Variants in TTC39A observed in about 807,000 individuals in gnomAD.
TTC39A encodes the protein tetratricopeptide repeat domain 39A.
Under a neutral mutation model 82.3 loss-of-function variants are expected in TTC39A, and 46 were observed. The observed-to-expected ratio is 0.56, with a 90% CI of 0.44 to 0.71. The LOEUF is 0.71. Ranked by LOEUF, TTC39A falls within the 30% of genes least tolerant of loss-of-function variation. TTC39A has a pLI of 0.00. For missense variants in TTC39A, 543 were observed against 712.9 expected (o/e 0.76, Z 2.71); for synonymous variants, 254 against 275.2 (o/e 0.92, Z 0.76).
At chr1:51,301,037 AGAC>A (rs2148167877) in intron 12 of TTC39A, 1 of 152,692 alleles carries the variant, frequency 6.5e-6, no homozygotes, top group South Asian at 2.1e-4. Flanking sequence ...AGACCAAGCC[AGAC>A]GACATCATTT....
chr1:51,318,188 G>A (rs930231143), intron 2 of TTC39A, among the ~76,000 whole-genome samples: 2 of 152,188 alleles, frequency 1.3e-5, no homozygotes, highest in Non-Finnish European at 2.9e-5. Flanking sequence ...CTTGGGGTGT[G>A]GGACCGGCTG....
intron 8 of TTC39A, among the ~76,000 whole-genome samples, chr1:51,304,197 G>A (rs552682113): frequency 2.3e-4 from 35 of 152,302 alleles, no homozygotes; most frequent in Non-Finnish European, 2.9e-5. Context: ...CTGGGCCCTC[G>A]TGGTATTTAT....
chr1:51,322,670 A>G (rs1027236588), intron 1 of TTC39A, among the ~76,000 whole-genome samples: 1 of 152,198 alleles, frequency 6.6e-6, no homozygotes, highest in African/African-American at 2.4e-5. Flanking sequence ...CAGCTTTCCC[A>G]TATAAAAATG....
Position 51,288,326 on chromosome 1 carries a change from G to A in TTC39A, c.1611-46C>T. On this transcript the variant is annotated intron_variant, in intron 17 of 17. Transcript: ENST00000680483. The surrounding 1 kb of genome is among the most constrained non-coding windows in gnomAD (Gnocchi z 4.8). ...AGACACATGAGGCTGCCTGCTCCCA[G>A]AGATGCTTTTCCTCCTGTTTGAGCT... 6.2e-7 allele frequency: 1 copy of A among 1,612,682 alleles called. No individual in the cohort carries two copies.
intron 8 of TTC39A, among the ~76,000 whole-genome samples, 181 bp from the exon 9 acceptor site, chr1:51,303,373 G>A (rs1644751760): frequency 6.6e-6 from 1 of 152,230 alleles, no homozygotes; most frequent in African/African-American, 2.4e-5. Context: ...ACATTCCTGG[G>A]AGAAGGGGAC....
intron 3 of TTC39A, 133 bp downstream of exon 3, chr1:51,312,679 C>G (rs1000335511): frequency 5.2e-6 from 7 of 1,355,666 alleles, no homozygotes; most frequent in Non-Finnish European, 7.1e-6. Context: ...AGGGACAGCT[C>G]TTAGCACATG....
In TTC39A at chr1:51,302,984, T is replaced by A. The variant is rs1019654639; in HGVS notation, c.763+100A>T. 6 of 1,094,906 alleles carry A rather than the reference T, an allele frequency of 5.5e-6. No homozygotes were observed. In the African/African-American group the frequency reaches 7.8e-5, roughly 14 times the overall value. 67.8% of individuals were successfully genotyped at this position (1,094,906 alleles called of 1,614,324 possible). A position where few individuals can be genotyped will look rare whatever the true frequency, so the allele number is the denominator to read the frequency against. On this transcript the variant is annotated intron_variant, in intron 9 of 17. Transcript: ENST00000680483. ...TCTGTTTCTGGTTTCAGTACCCCTA[T>A]CCCTAGCCACAGGGCATGAACAGGG...
At chr1:51,343,969 G>C (rs935583334) in intron 1 of TTC39A, among the ~76,000 whole-genome samples, 1 of 152,188 alleles carries the variant, frequency 6.6e-6, no homozygotes, top group Admixed American at 6.5e-5. Flanking sequence ...GTGTGGAAAG[G>C]GAGAGACAGG....
At chr1:51,303,017 C>T in intron 9 of TTC39A, 67 bp downstream of exon 9, 2 of 1,372,126 alleles carry the variant, frequency 1.5e-6, no homozygotes, top group Non-Finnish European at 2.0e-6. Context: ...GGGTCTGTAG[C>T]CCCTCGTTCT....
Position 51,342,446 on chromosome 1 carries a change from G to C in TTC39A, c.53+2545C>G, listed in dbSNP as rs545315531. ...AGAGTAGCTATTATTTTACAGCTGA[G>C]GAAACTGAGGCTCACACAGATCAAA... On this transcript the variant is annotated intron_variant, in intron 1 of 5. Transcript: ENST00000401051. Among the ~76,000 whole-genome samples the C allele has an allele frequency of 7.2e-5, 11 of 152,262 alleles. No homozygotes were observed. In the South Asian group the frequency reaches 2.3e-3, roughly 32 times the overall value.
At chr1:51,311,358 G>A in intron 4 of TTC39A, 37 bp from the exon 5 acceptor site, 3 of 1,542,722 alleles carry the variant, frequency 1.9e-6, no homozygotes, top group South Asian at 2.4e-5. Context: ...GGCCTCCTGG[G>A]ACTCTAGTCA....
intron 4 of TTC39A, 69 bp from the exon 5 acceptor site, chr1:51,311,390 A>T: frequency 7.0e-7 from 1 of 1,424,566 alleles, no homozygotes; most frequent in Non-Finnish European, 9.5e-7. Flanking sequence ...ACAAATCCTC[A>T]CACCCCAACT....
chr1:51,322,323 A>G, intron 1 of TTC39A: 1 of 1,389,860 alleles, frequency 7.2e-7, no homozygotes, highest in Non-Finnish European at 9.4e-7. Context: ...GCAGCCCCAA[A>G]CGAGAGGCCC....
chr1:51,339,153 G>A (rs2148321861), intron 1 of TTC39A, among the ~76,000 whole-genome samples: 1 of 152,318 alleles, frequency 6.6e-6, no homozygotes, highest in Non-Finnish European at 1.5e-5. Flanking sequence ...GGGAAGCTAA[G>A]GAGTAACACC....
In TTC39A at chr1:51,330,392, AG is replaced by A. The variant is rs1645867532; in HGVS notation, c.41+44del. 1 of 971,164 alleles carries A rather than the reference AG, an allele frequency of 1.0e-6. No homozygotes were observed. Among genetic ancestry groups the A allele is most frequent in the African/African-American group, 1.8e-5 (1 of 56,272 alleles). 60.2% of individuals were successfully genotyped at this position (971,164 alleles called of 1,614,324 possible). A position where few individuals can be genotyped will look rare whatever the true frequency, so the allele number is the denominator to read the frequency against. On this transcript the variant is annotated intron_variant, in intron 1 of 17. Transcript: ENST00000680483. The surrounding 1 kb of genome is among the most constrained non-coding windows in gnomAD (Gnocchi z 4.5). ...GGCGCCCGCCACCTGCCCGGGCCCC[AG>A]CCCGCGCCGCCCGCGCCCCCGGGCC...
chr1:51,307,991 G>T (rs1644936346), intron 6 of TTC39A, among the ~76,000 whole-genome samples: 2 of 151,758 alleles, frequency 1.3e-5, no homozygotes, highest in Non-Finnish European at 2.9e-5. Flanking sequence ...AGCCCCCTTT[G>T]CCATGTTATT....
At chr1:51,325,767 A>T (rs1645690594) in intron 1 of TTC39A, 1 of 152,316 alleles carries the variant, frequency 6.6e-6, no homozygotes, top group Admixed American at 6.5e-5. Flanking sequence ...TTTCTGAGCC[A>T]AGAGCCTGCC....
At chr1:51,333,589 C>T (rs1645938712), upstream of TTC39A, among the ~76,000 whole-genome samples, 1 of 152,238 alleles carries the variant, frequency 6.6e-6, no homozygotes, top group East Asian at 1.9e-4. Context: ...GGTTTCAGTT[C>T]AGATGTCACC....
Position 51,292,669 on chromosome 1 carries a change from G to A in TTC39A, c.1266+1722C>T, listed in dbSNP as rs142797811. Among the ~76,000 whole-genome samples, 887 of 152,156 alleles carry A rather than the reference G, an allele frequency of 5.8e-3. 7 individuals carry two copies. Among genetic ancestry groups the A allele is most frequent in the African/African-American group, 0.02 (837 of 41,490 alleles). On this transcript the variant is annotated intron_variant, in intron 14 of 17. Coordinates refer to ENST00000680483, the MANE Select transcript of TTC39A (RefSeq NM_001297663.2). ...TGGTCTTGAACTCCTGGTCTCAAAC[G>A]ATCCACCTACCCTGGCCTCCCAAAG...
Sources: allele counts gnomAD v4.1 joint callset (sites outside exome capture counted in the v4.1 genomes callset), GRCh38; gene constraint gnomAD v4.1.1; non-coding constraint Gnocchi (gnomAD v3.1); transcripts MANE v1.5; gene names NCBI Gene and HGNC (gene_info 2026-07-23, HGNC 2026-07-21).